AFF3: variants seen among roughly 807,000 people sequenced by gnomAD.
AFF3 encodes the protein AF4/FMR2 family member 3.
Under a neutral mutation model 129.7 loss-of-function variants are expected in AFF3, and 32 were observed. The ratio of observed to expected loss-of-function variants is 0.25; its 90% CI spans 0.19 to 0.33. The LOEUF is 0.33. Among genes scored for constraint, AFF3 ranks in the 10% least tolerant of loss-of-function variants. The pLI, the probability that AFF3 is intolerant of heterozygous loss-of-function variation, is 1.00. For synonymous variants in AFF3, 644 were observed against 635.4 expected, an observed-to-expected ratio of 1.01 and a Z score of -0.20; for missense variants, 1,373 against 1,592.0, an observed-to-expected ratio of 0.86 and a Z score of 2.34.
chr2:100,036,550 G>C (rs1684925878), intron 4 of AFF3, among the ~76,000 whole-genome samples: 1 of 150,664 alleles, frequency 6.6e-6, no homozygotes, highest in Non-Finnish European at 1.5e-5. Flanking sequence ...GCAGGGGCTG[G>C]CATTTCTTAA....
chr2:99,548,574 C>CA lies in AFF3; in HGVS notation c.*2899dup, dbSNP rs1042453683. ...CAACATAGTGAGACCCCCATCTCTA[C>CA]AAAAAAAATAAAGAAAAAATTAGCC... is the stretch of plus-strand genomic sequence containing the variant. On this transcript the variant is annotated 3_prime_UTR_variant, in exon 25 of 25. Coordinates refer to ENST00000672756, the MANE Select transcript of AFF3 (RefSeq NM_001386135.1). The CA allele has an allele frequency of 1.5e-4, 29 of 196,862 alleles. No homozygotes were observed. The highest frequency in any genetic ancestry group is 1.7e-3 in the Middle Eastern group (1 of 580). 12.2% of individuals were successfully genotyped at this position (196,862 alleles called of 1,614,324 possible).
chr2:100,079,565 G>C (rs1688875946), intron 4 of AFF3, among the ~76,000 whole-genome samples: 1 of 152,136 alleles, frequency 6.6e-6, no homozygotes, highest in Admixed American at 6.5e-5. Flanking sequence ...CACAGTTCCT[G>C]CTTAGCTCCC....
Position 99,602,764 on chromosome 2 carries a change from C to CA in AFF3, c.1185-1144dup, listed in dbSNP as rs532545280. On this transcript the variant is annotated intron_variant, in intron 13 of 24. Coordinates refer to ENST00000672756, the MANE Select transcript of AFF3 (RefSeq NM_001386135.1). ...GGGGTTTACGGTCTCAAGTGCAAAG[C>CA]AGCCTGGACATGGTAAAGGACTTGT... is the stretch of plus-strand genomic sequence containing the variant. Among the ~76,000 whole-genome samples, 74 of 152,292 alleles carry CA rather than the reference C, an allele frequency of 4.9e-4. 1 individual carries two copies. The South Asian group carries it at 7.9e-3, about 16-fold the overall frequency.
chr2:100,057,052 T>C (rs1024368225), intron 4 of AFF3, among the ~76,000 whole-genome samples: 1 of 152,118 alleles, frequency 6.6e-6, no homozygotes, highest in Non-Finnish European at 1.5e-5. Context: ...GGGCCAGGCA[T>C]GGTCACACCT....
chr2:100,014,704 A>T (rs561508236), intron 4 of AFF3, among the ~76,000 whole-genome samples: 64 of 151,152 alleles, frequency 4.2e-4, no homozygotes, highest in Non-Finnish European at 8.5e-4. Flanking sequence ...AAATACATGG[A>T]TTACTAGTAA....
intron 4 of AFF3, among the ~76,000 whole-genome samples, chr2:100,035,406 G>A (rs1303759036): frequency 2.6e-5 from 4 of 152,206 alleles, no homozygotes; most frequent in Non-Finnish European, 5.9e-5. Context: ...CTCAACAGGA[G>A]TAAGCAGACA....
chr2:99,883,136 T>A (rs941767239), intron 7 of AFF3, among the ~76,000 whole-genome samples: 4 of 152,190 alleles, frequency 2.6e-5, no homozygotes, highest in Admixed American at 2.6e-4. Flanking sequence ...AAAAACAACA[T>A]GCAACCCAGG....
chr2:99,748,927 C>T (rs1681394394), intron 9 of AFF3, among the ~76,000 whole-genome samples: 2 of 152,188 alleles, frequency 1.3e-5, no homozygotes, highest in Admixed American at 6.5e-5. Context: ...CTCCTCACTG[C>T]TTCTGTGTGT....
intron 4 of AFF3, among the ~76,000 whole-genome samples, chr2:100,033,888 TCTAA>T (rs1684708283): frequency 6.6e-6 from 1 of 152,184 alleles, no homozygotes. Flanking sequence ...ATTTTCAACC[TCTAA>T]CTAAAGTCAT....
At chr2:99,636,215 G>A (rs1683639098) in intron 13 of AFF3, among the ~76,000 whole-genome samples, 2 of 152,166 alleles carry the variant, frequency 1.3e-5, no homozygotes, top group African/African-American at 4.8e-5. Context: ...GTAAGATGAG[G>A]AACTGTGGCC....
At chr2:99,951,952 A>C (rs1340042875) in intron 7 of AFF3, among the ~76,000 whole-genome samples, 1 of 152,146 alleles carries the variant, frequency 6.6e-6, no homozygotes, top group Non-Finnish European at 1.5e-5. Flanking sequence ...ACTGACTGAA[A>C]TCTCTGAGAA....
At chr2:100,069,823 G>C (rs2105292845) in intron 4 of AFF3, among the ~76,000 whole-genome samples, 1 of 152,064 alleles carries the variant, frequency 6.6e-6, no homozygotes, top group African/African-American at 2.4e-5. Context: ...ATGATTTTTT[G>C]CTCTTTTATA....
At chr2:99,555,958 GCTT>G (rs1437767934) in intron 22 of AFF3, among the ~76,000 whole-genome samples, 2 of 152,196 alleles carry the variant, frequency 1.3e-5, no homozygotes, top group Non-Finnish European at 2.9e-5. Flanking sequence ...GAACAGGGGA[GCTT>G]ATCCTCCCTT....
chr2:99,811,631 T>C (rs933305991), intron 8 of AFF3, among the ~76,000 whole-genome samples: 1 of 152,246 alleles, frequency 6.6e-6, no homozygotes, highest in African/African-American at 2.4e-5. Flanking sequence ...GCATAAAGTA[T>C]GCCCCTTGCA....
intron 7 of AFF3, among the ~76,000 whole-genome samples, chr2:99,964,666 A>C (rs991094099): frequency 3.3e-5 from 5 of 152,186 alleles, no homozygotes; most frequent in African/African-American, 1.2e-4. Context: ...AGGAACTTCT[A>C]AAGTATTACA....
At chr2:99,762,363 G>A (rs1465689698) in intron 8 of AFF3, among the ~76,000 whole-genome samples, 3 of 152,014 alleles carry the variant, frequency 2.0e-5, no homozygotes, top group African/African-American at 4.8e-5. Context: ...GACCTCAGGC[G>A]ATCCACCTGC....
At chr2:99,564,982 T>A (rs1232292250) in intron 20 of AFF3, among the ~76,000 whole-genome samples, 1 of 152,168 alleles carries the variant, frequency 6.6e-6, no homozygotes, top group Non-Finnish European at 1.5e-5. Context: ...CCTTGACACG[T>A]CTGCTCACAG....
At chr2:99,801,085 T>C (rs1685908488) in intron 8 of AFF3, among the ~76,000 whole-genome samples, 2 of 152,224 alleles carry the variant, frequency 1.3e-5, no homozygotes, top group Admixed American at 6.5e-5. Flanking sequence ...TTCACCGGTA[T>C]ATACCAATGT....
chr2:99,988,135 T>C (rs954719133), intron 7 of AFF3, among the ~76,000 whole-genome samples: 3 of 151,878 alleles, frequency 2.0e-5, no homozygotes, highest in African/African-American at 7.3e-5. Flanking sequence ...GGATGAAGGA[T>C]GATAGATAGA....
Sources: gnomAD v4.1 joint callset for allele counts (sites outside exome capture counted in the v4.1 genomes callset) on GRCh38, gnomAD v4.1.1 for gene constraint, MANE v1.5 for transcripts, NCBI Gene and HGNC (gene_info 2026-07-23, HGNC 2026-07-21) for gene names.